PDE9A: variants seen among roughly 807,000 people sequenced by gnomAD.
PDE9A encodes phosphodiesterase 9A.
In PDE9A, 60 loss-of-function variants were observed where a neutral mutation model predicts 87.4. The ratio of observed to expected loss-of-function variants is 0.69; its 90% CI spans 0.56 to 0.85. The LOEUF (loss-of-function observed/expected upper bound fraction) is 0.85. Ranked by LOEUF, PDE9A falls within the 40% of genes least tolerant of loss-of-function variation. The pLI is 0.00. For missense variants in PDE9A, 665 were observed against 779.0 expected, an observed-to-expected ratio of 0.85 and a Z score of 1.74; for synonymous variants, 272 against 279.4, an observed-to-expected ratio of 0.97 and a Z score of 0.27.
chr21:42,654,560 G>A (rs908677658), intron 1 of PDE9A, among the ~76,000 whole-genome samples: 2 of 152,190 alleles, frequency 1.3e-5, no homozygotes, highest in Non-Finnish European at 2.9e-5. Flanking sequence ...GGGCTCTCAT[G>A]AGCTCCCCCT....
chr21:42,773,281 T>C (rs1389454387), intron 19 of PDE9A, among the ~76,000 whole-genome samples: 1 of 135,522 alleles, frequency 7.4e-6, no homozygotes. Context: ...AAAAAAAAAG[T>C]GAGGCTCTTA....
At chr21:42,657,980 G>C (rs2057214785) in intron 1 of PDE9A, among the ~76,000 whole-genome samples, 1 of 152,252 alleles carries the variant, frequency 6.6e-6, no homozygotes, top group African/African-American at 2.4e-5. Context: ...AAAGGGAGGA[G>C]CCGCGCTAGA....
Position 42,695,544 on chromosome 21 carries a change from C to T in PDE9A, c.219-3424C>T, listed in dbSNP as rs116929705. ...CACACACCATTGCTCCTTTTGTTCC[C>T]GGTTTCGGCCAAGTTGTGCCGCAGG... On this transcript the variant is annotated intron_variant, in intron 3 of 19. Coordinates refer to ENST00000291539, the MANE Select transcript of PDE9A (RefSeq NM_002606.3). This position sits in a 1 kb window ranked among gnomAD's most constrained non-coding sequence, Gnocchi z 4.3. Among the ~76,000 whole-genome samples the T allele has an allele frequency of 8.4e-3, 1,281 of 152,300 alleles. 12 individuals are homozygous for T. The highest frequency in any genetic ancestry group is 0.011 in the Non-Finnish European group (739 of 68,028).
intron 1 of PDE9A, among the ~76,000 whole-genome samples, chr21:42,671,691 T>C (rs2839568): frequency 0.35 from 53,341 of 152,168 alleles, 12,159 homozygotes; most frequent in African/African-American, 0.65. Flanking sequence ...TAACTTGCAA[T>C]GTTTCTTCAG....
rs925882301 is a variant in PDE9A at position 42,692,822 on chromosome 21, C to T, written c.218+4828C>T. Among the ~76,000 whole-genome samples the T allele has an allele frequency of 3.9e-5, 6 of 152,148 alleles. No homozygotes were observed. Among genetic ancestry groups the T allele is most frequent in the African/African-American group, 9.7e-5 (4 of 41,444 alleles). ...CCTCCACTCGGTGCCTGGTGACATGCGGCCATCCTCAGAGATGTGCTTCGG... is the reference window on the plus strand; with the variant it reads ...CCTCCACTCGGTGCCTGGTGACATGTGGCCATCCTCAGAGATGTGCTTCGG... On this transcript the variant is annotated intron_variant, in intron 3 of 19. Transcript: ENST00000291539. This position sits in a 1 kb window ranked among gnomAD's most constrained non-coding sequence, Gnocchi z 4.3.
chr21:42,748,463 G>A (rs1569241362), intron 8 of PDE9A, among the ~76,000 whole-genome samples: 2 of 152,208 alleles, frequency 1.3e-5, no homozygotes, highest in Non-Finnish European at 2.9e-5. Context: ...TGGTTATCAC[G>A]GGGAAGAGAC....
intron 1 of PDE9A, among the ~76,000 whole-genome samples, chr21:42,678,789 G>A (rs1472796165): frequency 1.3e-5 from 2 of 152,246 alleles, no homozygotes; most frequent in African/African-American, 2.4e-5. Flanking sequence ...AGGTGCAGCA[G>A]ACAGGACCGT....
At chr21:42,670,021 G>C (rs2058302814) in intron 1 of PDE9A, among the ~76,000 whole-genome samples, 1 of 151,824 alleles carries the variant, frequency 6.6e-6, no homozygotes, top group Non-Finnish European at 1.5e-5. Context: ...GCAATAAAAG[G>C]AAAGCACCAT....
chr21:42,736,261 T>C (rs1176462145), intron 7 of PDE9A, among the ~76,000 whole-genome samples: 1 of 152,106 alleles, frequency 6.6e-6, no homozygotes, highest in Non-Finnish European at 1.5e-5. Context: ...ACAAGATGAA[T>C]AGTAACCCTG....
chr21:42,762,235 GACAGGTGT>G lies in PDE9A; in HGVS notation c.1239_1242+4del. 1 of 1,613,764 alleles carries G rather than the reference GACAGGTGT, an allele frequency of 6.2e-7. No individual in the cohort carries two copies. The highest frequency in any genetic ancestry group is 8.5e-7 in the Non-Finnish European group (1 of 1,179,814). On this transcript the variant is annotated splice_donor_variant and splice_donor_region_variant and coding_sequence_variant and intron_variant, in exon 14 of 20. Transcript: ENST00000291539. LOFTEE classifies it high-confidence loss of function. ...CCACCTGATGGGTTCAAGCAGATCC[GACAGGTGT>G]GTGGGGTGAGGGCCCTCCCACCGGA... is the stretch of plus-strand genomic sequence containing the variant.
At position 42,694,867 on chromosome 21, in the gene PDE9A, A is replaced by C. The variant is rs2060058199; in HGVS notation, c.219-4101A>C. ...GCATTGGGATGTCTGGCCCCAATCCACCATAATGTACTTGTCTCCAATCTG... is the reference window on the plus strand; with the variant it reads ...GCATTGGGATGTCTGGCCCCAATCCCCCATAATGTACTTGTCTCCAATCTG... On this transcript the variant is annotated intron_variant, in intron 3 of 19. Transcript: ENST00000291539. This position sits in a 1 kb window ranked among gnomAD's most constrained non-coding sequence, Gnocchi z 5.3. 6.6e-6 allele frequency among the ~76,000 whole-genome samples: 1 copy of C among 152,056 alleles called. No individual in the cohort carries two copies. Among genetic ancestry groups the C allele is most frequent in the Non-Finnish European group, 1.5e-5 (1 of 68,012 alleles).
intron 3 of PDE9A, among the ~76,000 whole-genome samples, chr21:42,698,427 G>A (rs771493557): frequency 4.6e-5 from 7 of 152,154 alleles, no homozygotes; most frequent in Non-Finnish European, 8.8e-5. Context: ...GTGTGTCAGC[G>A]ACAGAAACGT....
intron 1 of PDE9A, among the ~76,000 whole-genome samples, chr21:42,681,473 G>A (rs963168753): frequency 1.3e-5 from 2 of 152,232 alleles, no homozygotes; most frequent in Admixed American, 6.5e-5. Flanking sequence ...GTTTCCGTGT[G>A]TAAACATCTT....
intron 19 of PDE9A, among the ~76,000 whole-genome samples, 182 bp from the exon 20 acceptor site, chr21:42,775,098 C>T (rs903452516): frequency 2.6e-5 from 4 of 151,816 alleles, no homozygotes; most frequent in Non-Finnish European, 4.4e-5. Flanking sequence ...TGTGCCACCA[C>T]GCCTGGCTAA....
Position 42,716,747 on chromosome 21 carries a change from CT to C in PDE9A, c.263-15002del, listed in dbSNP as rs60104683. Among the ~76,000 whole-genome samples, 661 of 94,210 alleles carry C rather than the reference CT, an allele frequency of 7.0e-3. 4 individuals carry two copies. Among genetic ancestry groups the C allele is most frequent in the Non-Finnish European group, 7.5e-3 (398 of 52,720 alleles). 61.8% of individuals were successfully genotyped at this position (94,210 alleles called of 152,430 possible). On this transcript the variant is annotated intron_variant, in intron 4 of 19. Transcript: ENST00000291539. Reference sequence around the variant, plus strand: ...CCCCATAATACAATATTATAATTTCCTTTTTTTTTTTTTTTTTTTTTGAGAC... The same window carrying C: ...CCCCATAATACAATATTATAATTTCCTTTTTTTTTTTTTTTTTTTTGAGAC...
rs1344150609 is a variant in PDE9A, at chr21:42,694,138, T to C, written c.219-4830T>C. On this transcript the variant is annotated intron_variant, in intron 3 of 19. Coordinates refer to ENST00000291539, the MANE Select transcript of PDE9A (RefSeq NM_002606.3). This position sits in a 1 kb window ranked among gnomAD's most constrained non-coding sequence, Gnocchi z 5.3. ...AAACATGCTGGGTAAACTCTTTGTT[T>C]CTTCCTAGCAGACAGCAGCCCTCTC... 1.3e-5 allele frequency among the ~76,000 whole-genome samples: 2 copies of C among 152,210 alleles called. No homozygotes were observed. Among genetic ancestry groups the C allele is most frequent in the Non-Finnish European group, 2.9e-5 (2 of 68,018 alleles).
chr21:42,757,452 G>A (rs367585149), intron 10 of PDE9A: 9 of 152,234 alleles, frequency 5.9e-5, no homozygotes, highest in African/African-American at 1.9e-4. Flanking sequence ...CACACACAGC[G>A]TAACAAGTAA....
intron 4 of PDE9A, among the ~76,000 whole-genome samples, chr21:42,706,718 AT>A (rs2048867938): frequency 6.6e-6 from 1 of 152,030 alleles, no homozygotes; most frequent in African/African-American, 2.4e-5. Context: ...CCACTATTTA[AT>A]TCCAGAACAT....
At chr21:42,727,477 C>A (rs1455514597) in intron 4 of PDE9A, among the ~76,000 whole-genome samples, 2 of 147,954 alleles carry the variant, frequency 1.4e-5, no homozygotes, top group Admixed American at 6.8e-5. Flanking sequence ...GCACATGCCA[C>A]CACGCCTGGC....
Sources: gnomAD v4.1 joint callset for allele counts (sites outside exome capture counted in the v4.1 genomes callset) on GRCh38, gnomAD v4.1.1 for gene constraint, Gnocchi (gnomAD v3.1) non-coding constraint, MANE v1.5 for transcripts, NCBI Gene and HGNC (gene_info 2026-07-23, HGNC 2026-07-21) for gene names.